XRN2: variants seen among roughly 807,000 people sequenced by gnomAD.
The protein encoded by XRN2 is 5'-3' exoribonuclease 2.
A neutral mutation model predicts 138.5 loss-of-function variants in XRN2; 44 were observed. The ratio of observed to expected loss-of-function variants is 0.32; its 90% CI spans 0.25 to 0.41. XRN2 has a LOEUF of 0.41. Among genes scored for constraint, XRN2 ranks in the 10% least tolerant of loss-of-function variants. XRN2 has a pLI of 1.00. For missense variants in XRN2, 937 were observed against 1,169.3 expected (o/e 0.80, Z 2.90); for synonymous variants, 354 against 369.4 (o/e 0.96, Z 0.48).
intron 21 of XRN2, 53 bp from the exon 22 acceptor site, chr20:21,356,027 C>CATAAAAA (rs2038571698): frequency 1.4e-6 from 2 of 1,427,536 alleles, no homozygotes; most frequent in Non-Finnish European, 1.9e-6. Context: ...AAAAATTGGT[C>CATAAAAA]TTGCAGGTAC....
At chr20:21,388,089 G>A (rs1002016216) in intron 29 of XRN2, among the ~76,000 whole-genome samples, 22 of 152,240 alleles carry the variant, frequency 1.4e-4, no homozygotes, top group African/African-American at 5.1e-4. Context: ...GGCCGTTTCA[G>A]TGATGAGCAT....
chr20:21,318,077 G>T (rs543017229), intron 1 of XRN2, among the ~76,000 whole-genome samples: 2 of 152,178 alleles, frequency 1.3e-5, no homozygotes, highest in African/African-American at 4.8e-5. Context: ...GGTAGTTTGC[G>T]GATTACTGAT....
chr20:21,318,092 TTG>T (rs199752674), intron 1 of XRN2, among the ~76,000 whole-genome samples: 1 of 152,186 alleles, frequency 6.6e-6, no homozygotes, highest in East Asian at 1.9e-4. Flanking sequence ...ACTGATTTAA[TTG>T]CTTTAACTTG....
intron 28 of XRN2, among the ~76,000 whole-genome samples, chr20:21,383,704 A>G (rs2038909581): frequency 6.6e-6 from 1 of 152,182 alleles, no homozygotes; most frequent in Non-Finnish European, 1.5e-5. Flanking sequence ...AAGTTTTCCT[A>G]AGATCATCAT....
At chr20:21,356,515 C>A in intron 22 of XRN2, 71 bp from the exon 23 acceptor site, 2 of 1,366,896 alleles carry the variant, frequency 1.5e-6, no homozygotes, top group South Asian at 1.2e-5. Context: ...CTGCTATGAA[C>A]ACTCAAGAAT....
At chr20:21,330,769 T>C in intron 6 of XRN2, 64 bp downstream of exon 6, 4 of 1,424,008 alleles carry the variant, frequency 2.8e-6, no homozygotes, top group South Asian at 2.4e-5. Context: ...TACTTTGATA[T>C]GACTGACATT....
intron 24 of XRN2, among the ~76,000 whole-genome samples, chr20:21,363,779 CTG>C (rs1433710494): frequency 6.6e-6 from 1 of 152,078 alleles, no homozygotes. Context: ...TTTTAACTGA[CTG>C]TAAGTGTAAT....
intron 15 of XRN2, among the ~76,000 whole-genome samples, chr20:21,342,167 A>G (rs1010320333): frequency 6.6e-5 from 10 of 152,218 alleles, no homozygotes; most frequent in African/African-American, 1.9e-4. Context: ...TTACCAGTTT[A>G]TTTAAAGGGA....
chr20:21,356,196 T>C lies in XRN2; in HGVS notation c.2118+19T>C. 2 of 1,572,076 alleles carry C rather than the reference T, an allele frequency of 1.3e-6. No individual in the cohort carries two copies. The highest frequency in any genetic ancestry group is 1.7e-6 in the Non-Finnish European group (2 of 1,158,924). On this transcript the variant is annotated intron_variant, in intron 22 of 29. Coordinates refer to ENST00000377191, the MANE Select transcript of XRN2 (RefSeq NM_012255.5). ...CACAGAGGTATGTTACGCAATTTGG[T>C]TAATTAGAAATGCACTTTTTAAAAT...
chr20:21,384,205 T>A (rs1013062980), intron 28 of XRN2, among the ~76,000 whole-genome samples: 7 of 152,216 alleles, frequency 4.6e-5, no homozygotes, highest in African/African-American at 1.7e-4. Context: ...GTTCCCTTTG[T>A]CACTTGAGTT....
chr20:21,367,440 A>G (rs192306453), intron 26 of XRN2, among the ~76,000 whole-genome samples: 1 of 152,310 alleles, frequency 6.6e-6, no homozygotes, highest in Admixed American at 6.5e-5. Context: ...TAATTTATAC[A>G]GCAAATATTA....
chr20:21,349,272 A>G, intron 19 of XRN2, 117 bp from the exon 20 acceptor site: 2 of 720,960 alleles, frequency 2.8e-6, no homozygotes, highest in Non-Finnish European at 4.8e-6. Flanking sequence ...ATTTTTTAAA[A>G]GGAATGCACT....
chr20:21,320,369 G>A (rs966589200), intron 1 of XRN2, among the ~76,000 whole-genome samples: 6 of 151,544 alleles, frequency 4.0e-5, no homozygotes, highest in East Asian at 1.9e-4. Flanking sequence ...GCACGATCTC[G>A]GCTTACTGCA....
intron 15 of XRN2, among the ~76,000 whole-genome samples, chr20:21,342,342 A>C (rs556221041): frequency 6.6e-6 from 1 of 152,140 alleles, no homozygotes; most frequent in Non-Finnish European, 1.5e-5. Context: ...TGGTTTCATT[A>C]TATCTAATTT....
intron 24 of XRN2, among the ~76,000 whole-genome samples, chr20:21,364,213 T>G (rs950075071): frequency 6.6e-6 from 1 of 152,218 alleles, no homozygotes; most frequent in African/African-American, 2.4e-5. Context: ...TTAAAAATAT[T>G]ATCTGAGTTC....
At chr20:21,325,768 A>G (rs936881829) in intron 1 of XRN2, among the ~76,000 whole-genome samples, 9 of 152,258 alleles carry the variant, frequency 5.9e-5, no homozygotes, top group African/African-American at 2.2e-4. Flanking sequence ...AAGGACGTAC[A>G]CTTTTATGTT....
chr20:21,354,888 C>G lies in XRN2; in HGVS notation c.2020+16C>G. 6.3e-7 allele frequency: 1 copy of G among 1,599,644 alleles called. No homozygotes were observed. The highest frequency in any genetic ancestry group is 8.6e-7 in the Non-Finnish European group (1 of 1,168,628). Reference sequence around the variant, plus strand: ...CCAGAAGAGAGTAAGAATTATACTTCTTAGTTAACATTGATCTGTGTAATA... The same window carrying G: ...CCAGAAGAGAGTAAGAATTATACTTGTTAGTTAACATTGATCTGTGTAATA... On this transcript the variant is annotated intron_variant, in intron 21 of 29. Transcript: ENST00000377191.
chr20:21,361,380 A>G (rs1374658013), intron 24 of XRN2, among the ~76,000 whole-genome samples: 1 of 152,258 alleles, frequency 6.6e-6, no homozygotes, highest in Non-Finnish European at 1.5e-5. Flanking sequence ...GGTCTGGTAC[A>G]TAAAAGCTTG....
intron 27 of XRN2, among the ~76,000 whole-genome samples, chr20:21,379,173 G>A (rs2038856569): frequency 6.6e-6 from 1 of 152,140 alleles, no homozygotes; most frequent in Non-Finnish European, 1.5e-5. Context: ...CTAGAAAAGG[G>A]ATAAGTTTTT....
Sources: allele counts gnomAD v4.1 joint callset (sites outside exome capture counted in the v4.1 genomes callset), GRCh38; gene constraint gnomAD v4.1.1; transcripts MANE v1.5; gene names NCBI Gene and HGNC (gene_info 2026-07-23, HGNC 2026-07-21).